Variants in KISS1 observed in about 807,000 individuals in gnomAD.
The protein encoded by KISS1 is metastasis-suppressor KiSS-1.
For missense variants in KISS1, 182 were observed against 182.7 expected (o/e 1.00, Z 0.02); for synonymous variants, 97 against 88.7 (o/e 1.09, Z -0.52).
chr1:204,190,924 T>G (rs1202726690), intron 2 of KISS1, 127 bp from the exon 3 acceptor site: 2 of 757,804 alleles, frequency 2.6e-6, no homozygotes, highest in Middle Eastern at 2.4e-4. Flanking sequence ...CTCAGTGCCA[T>G]GCGAACCAGC....
Position 204,192,463 on chromosome 1 carries a change from T to C in KISS1, c.103+311A>G, listed in dbSNP as rs2510. Among the ~76,000 whole-genome samples, 43,813 of 151,466 alleles carry C rather than the reference T, an allele frequency of 0.29. 6,645 individuals carry two copies. Among genetic ancestry groups the C allele is most frequent in the East Asian group, 0.43 (2,209 of 5,132 alleles). ...ATAAAGCAAGGTTGCATATGAAGTT[T>C]CTTCTCAACATCGGCACAGAGAGGT... On this transcript the variant is annotated intron_variant, in intron 2 of 2. Coordinates refer to ENST00000367194, the MANE Select transcript of KISS1 (RefSeq NM_002256.4). This position sits in a 1 kb window ranked among gnomAD's most constrained non-coding sequence, Gnocchi z 4.2.
Position 204,192,975 on chromosome 1 carries a change from G to A in KISS1, c.-38-61C>T. The A allele has an allele frequency of 2.4e-6, 2 of 847,258 alleles. No homozygotes were observed. The highest frequency in any genetic ancestry group is 3.9e-6 in the Non-Finnish European group (2 of 512,596). 52.5% of individuals were successfully genotyped at this position (847,258 alleles called of 1,614,324 possible). ...CACAGGATCTGGGCTGGGTGCTGAG[G>A]GCAGAGCCCAGTGCAAAAGGGACAG... On this transcript the variant is annotated intron_variant, in intron 1 of 2. Coordinates refer to ENST00000367194, the MANE Select transcript of KISS1 (RefSeq NM_002256.4). This position sits in a 1 kb window ranked among gnomAD's most constrained non-coding sequence, Gnocchi z 4.2.
intron 1 of KISS1, among the ~76,000 whole-genome samples, chr1:204,193,982 G>A (rs917757571): frequency 2.0e-5 from 3 of 152,168 alleles, no homozygotes; most frequent in Non-Finnish European, 2.9e-5. Flanking sequence ...GCCTGGAGCC[G>A]CTCTCCCTGG....
rs758721519 is a variant in KISS1 at position 204,190,700 on chromosome 1, C to T, written c.201G>A (p.Arg67=). ...CGGGGGGCGGGGACAGCGAGGTCCC[C>T]CGACGGCTCAGCCTGGCAGTAGCAG... is the stretch of plus-strand genomic sequence containing the variant. The part of the protein sequence containing the change: ...KPAATARLSR[R]GTSLSPPPES... Residue 67 remains arginine (R), a synonymous_variant, in exon 3 of 3, where the codon CGG becomes CGA. Coordinates refer to ENST00000367194, the MANE Select transcript of KISS1 (RefSeq NM_002256.4). 6.2e-7 allele frequency: 1 copy of T among 1,603,168 alleles called. No individual in the cohort carries two copies. The highest frequency in any genetic ancestry group is 1.3e-5 in the African/African-American group (1 of 74,868).
rs1314072553 is a variant in KISS1 at position 204,192,413 on chromosome 1, C to G, written c.103+361G>C. On this transcript the variant is annotated intron_variant, in intron 2 of 2. Transcript: ENST00000367194. The surrounding 1 kb of genome is among the most constrained non-coding windows in gnomAD (Gnocchi z 4.2). ...TTAGGTTTTTTTTTTTTTCCAAATT[C>G]TCCACAAAGAATCTGAGGTCACCGA... Among the ~76,000 whole-genome samples, 2 of 141,568 alleles carry G rather than the reference C, an allele frequency of 1.4e-5. No homozygotes were observed. The allele number at this position is 141,568 out of a possible 152,430, so 92.9% of individuals were successfully genotyped here. A position where few individuals can be genotyped will look rare whatever the true frequency, so the allele number is the denominator to read the frequency against.
chr1:204,195,493 TACAC>T (rs879920502), intron 1 of KISS1, among the ~76,000 whole-genome samples: 1 of 126,982 alleles, frequency 7.9e-6, no homozygotes, highest in Non-Finnish European at 1.6e-5. Context: ...ATACACATCA[TACAC>T]ACACATACAC....
chr1:204,195,192 A>ATG (rs1658816563), intron 1 of KISS1, among the ~76,000 whole-genome samples: 1 of 144,468 alleles, frequency 6.9e-6, no homozygotes, highest in Admixed American at 6.7e-5. Context: ...ACATGCACAC[A>ATG]CACACCACAC....
chr1:204,193,464 C>A (rs1658782365), intron 1 of KISS1, among the ~76,000 whole-genome samples: 1 of 152,136 alleles, frequency 6.6e-6, no homozygotes, highest in Non-Finnish European at 1.5e-5. Flanking sequence ...CCACTCTCCC[C>A]ATCCATACGC....
At chr1:204,195,244 C>CA in intron 1 of KISS1, among the ~76,000 whole-genome samples, 1 of 1,800 alleles carries the variant, frequency 5.6e-4, no homozygotes, top group Non-Finnish European at 1.2e-3. Context: ...CACGCATACA[C>CA]CCATACACAC....
At chr1:204,191,127 C>T (rs1658736102) in intron 2 of KISS1, among the ~76,000 whole-genome samples, 1 of 152,248 alleles carries the variant, frequency 6.6e-6, no homozygotes, top group Non-Finnish European at 1.5e-5. Context: ...TGGGCCCCTT[C>T]CTGGCTGTGA....
In KISS1 at chr1:204,190,420, C is replaced by T. The variant is rs1404294212; in HGVS notation, c.*64G>A. 21 of 758,378 alleles carry T rather than the reference C, an allele frequency of 2.8e-5. 1 individual carries two copies. Among genetic ancestry groups the T allele is most frequent in the Non-Finnish European group, 4.4e-5 (20 of 455,574 alleles). 47.0% of individuals were successfully genotyped at this position (758,378 alleles called of 1,614,324 possible). On this transcript the variant is annotated 3_prime_UTR_variant, in exon 3 of 3. Coordinates refer to ENST00000367194, the MANE Select transcript of KISS1 (RefSeq NM_002256.4). Reference sequence around the variant, plus strand: ...CCCTTAGCCCTACGTCCCCGCCCCCCGCCCCCGCCCCGCATGCTCTGACTC... The same window carrying T: ...CCCTTAGCCCTACGTCCCCGCCCCCTGCCCCCGCCCCGCATGCTCTGACTC...
chr1:204,193,294 G>C (rs1658777896), intron 1 of KISS1, among the ~76,000 whole-genome samples: 1 of 152,120 alleles, frequency 6.6e-6, no homozygotes, highest in Non-Finnish European at 1.5e-5. Flanking sequence ...GGTGGGGTGA[G>C]ATGCCATATA....
chr1:204,190,418 C>G lies in KISS1; in HGVS notation c.*66G>C. The G allele has an allele frequency of 4.3e-6, 3 of 692,628 alleles. No homozygotes were observed. The highest frequency in any genetic ancestry group is 2.2e-5 in the Admixed American group (1 of 44,960). The allele number at this position is 692,628 out of a possible 1,614,324, so 42.9% of individuals were successfully genotyped here. A position where few individuals can be genotyped will look rare whatever the true frequency, so the allele number is the denominator to read the frequency against. ...CTCCCTTAGCCCTACGTCCCCGCCC[C>G]CCGCCCCCGCCCCGCATGCTCTGAC... On this transcript the variant is annotated 3_prime_UTR_variant, in exon 3 of 3. Coordinates refer to ENST00000367194, the MANE Select transcript of KISS1 (RefSeq NM_002256.4).
Position 204,190,552 on chromosome 1 carries a change from A to G in KISS1, c.349T>C (p.Phe117Leu), listed in dbSNP as rs199666322. 310 of 1,608,724 alleles carry G rather than the reference A, an allele frequency of 1.9e-4. No homozygotes were observed. Among genetic ancestry groups the G allele is most frequent in the Non-Finnish European group, 2.5e-4 (293 of 1,178,288 alleles). The part of the protein sequence containing the change: ...KDLPNYNWNS[F>L]GLRFGKREAA... ...TCCCGCTTGCCGAAGCGCAGGCCGA[A>G]GGAGTTCCAGTTGTAGTTCGGCAGG... The change falls in exon 3 of 3, where the codon TTC (phenylalanine) becomes CTC (leucine). Residue 117 changes from phenylalanine (F) to leucine (L), a missense_variant. Phe to Leu is a conservative substitution (Grantham distance 22). Coordinates refer to ENST00000367194, the MANE Select transcript of KISS1 (RefSeq NM_002256.4).
chr1:204,194,041 TG>T (rs1658795043), intron 1 of KISS1, among the ~76,000 whole-genome samples: 1 of 152,152 alleles, frequency 6.6e-6, no homozygotes, highest in Non-Finnish European at 1.5e-5. Context: ...CAGCTCCTAA[TG>T]GTGGCTCAGG....
chr1:204,190,409 T>TACCCCC lies in KISS1; in HGVS notation c.*74_*75insGGGGGT. ...CAGCGCCCCCTCCCTTAGCCCTACG[T>TACCCCC]CCCCGCCCCCCGCCCCCGCCCCGCA... On this transcript the variant is annotated 3_prime_UTR_variant, in exon 3 of 3. Transcript: ENST00000367194. 32 of 570,070 alleles carry TACCCCC rather than the reference T, an allele frequency of 5.6e-5. No homozygotes were observed. The highest frequency in any genetic ancestry group is 4.8e-4 in the Middle Eastern group (1 of 2,072). The allele number at this position is 570,070 out of a possible 1,614,324, so 35.3% of individuals were successfully genotyped here.
chr1:204,196,314 CCAGAGCATCCCCAGGTCAGGG>C (rs1658856937), intron 1 of KISS1, 41 bp downstream of exon 1: 1 of 152,440 alleles, frequency 6.6e-6, no homozygotes, highest in Non-Finnish European at 1.5e-5. Flanking sequence ...CTGCTCCCCT[CCAGAGCATCCCCAGGTCAGGG>C]CAGACCCCCT....
rs77245181 is a variant in KISS1, at chr1:204,195,087, A to G, written c.-39+1289T>C. Among the ~76,000 whole-genome samples the G allele has an allele frequency of 4.5e-3, 467 of 104,780 alleles. 1 individual carries two copies. Among genetic ancestry groups the G allele is most frequent in the African/African-American group, 0.016 (444 of 27,488 alleles). The allele number at this position is 104,780 out of a possible 152,430, so 68.7% of individuals were successfully genotyped here. A position where few individuals can be genotyped will look rare whatever the true frequency, so the allele number is the denominator to read the frequency against. On this transcript the variant is annotated intron_variant, in intron 1 of 2. Coordinates refer to ENST00000367194, the MANE Select transcript of KISS1 (RefSeq NM_002256.4). ...CCCGAGTGCCTCCTTCCCACTGTGGATGGCACTTACCATGTGCGCCATGGG... is the reference window on the plus strand; with the variant it reads ...CCCGAGTGCCTCCTTCCCACTGTGGGTGGCACTTACCATGTGCGCCATGGG...
chr1:204,196,352 G>C lies in KISS1; in HGVS notation c.-39+24C>G, dbSNP rs1333548796. 7 of 152,362 alleles carry C rather than the reference G, an allele frequency of 4.6e-5. No individual in the cohort carries two copies. The East Asian group carries it at 1.3e-3, about 29-fold the overall frequency. 9.4% of individuals were successfully genotyped at this position (152,362 alleles called of 1,614,324 possible). ...AGGTCAGGGCAGACCCCCTTCCCAG[G>C]GGTGGACACTGCAGTGTGCCTACCT... On this transcript the variant is annotated intron_variant, in intron 1 of 2. Transcript: ENST00000367194.
Sources: allele counts gnomAD v4.1 joint callset (sites outside exome capture counted in the v4.1 genomes callset), GRCh38; gene constraint gnomAD v4.1.1; non-coding constraint Gnocchi (gnomAD v3.1); transcripts MANE v1.5; gene names NCBI Gene and HGNC (gene_info 2026-07-23, HGNC 2026-07-21).